CAPSL: variants seen among roughly 807,000 people sequenced by gnomAD.
CAPSL encodes the protein calcyphosine like.
Under a neutral mutation model 21.3 loss-of-function variants are expected in CAPSL, and 17 were observed. The ratio of observed to expected loss-of-function variants is 0.80; its 90% CI spans 0.55 to 1.20. CAPSL has a LOEUF of 1.20. Among genes scored for constraint, CAPSL ranks in the 50% most tolerant of loss-of-function variants. The pLI is 0.00. For missense variants in CAPSL, 289 were observed against 259.3 expected, an observed-to-expected ratio of 1.11 and a Z score of -0.79; for synonymous variants, 102 against 89.3, an observed-to-expected ratio of 1.14 and a Z score of -0.80.
At chr5:35,933,487 A>G (rs1394705366) in intron 1 of CAPSL, among the ~76,000 whole-genome samples, 1 of 152,118 alleles carries the variant, frequency 6.6e-6, no homozygotes, top group Admixed American at 6.5e-5. Context: ...ATTATCCACA[A>G]CATCTCAGAA....
intron 1 of CAPSL, among the ~76,000 whole-genome samples, chr5:35,926,655 A>T (rs935544515): frequency 6.6e-6 from 1 of 152,146 alleles, no homozygotes; most frequent in Non-Finnish European, 1.5e-5. Flanking sequence ...TGGTGGCAGT[A>T]AGCTGAATTA....
At chr5:35,938,645 C>T (rs901692671), upstream of CAPSL, 1 of 153,080 alleles carries the variant, frequency 6.5e-6, no homozygotes, top group African/African-American at 2.4e-5. Flanking sequence ...TAGCCTCCTC[C>T]CTCTTACCTG....
In CAPSL at chr5:35,921,124, A is replaced by G; in HGVS notation, c.1-4T>C. On this transcript the variant is annotated splice_region_variant and splice_polypyrimidine_tract_variant and intron_variant, in intron 1 of 4. Coordinates refer to ENST00000651391, the MANE Select transcript of CAPSL (RefSeq NM_001042625.2). ...CATGGCGCGCTGTCCCTGCCATCTG[A>G]GGGGAAGCCATAGCATGTTAGCAAA... 1 of 1,613,498 alleles carries G rather than the reference A, an allele frequency of 6.2e-7. No homozygotes were observed. The highest frequency in any genetic ancestry group is 1.7e-5 in the Admixed American group (1 of 59,994).
chr5:35,927,436 C>T (rs1738714907), intron 1 of CAPSL, among the ~76,000 whole-genome samples: 1 of 152,248 alleles, frequency 6.6e-6, no homozygotes, highest in Non-Finnish European at 1.5e-5. Flanking sequence ...GCTTTGAAAA[C>T]ATTTTACTAT....
chr5:35,905,533 G>A (rs1760655037), intron 4 of CAPSL, among the ~76,000 whole-genome samples: 1 of 152,126 alleles, frequency 6.6e-6, no homozygotes, highest in African/African-American at 2.4e-5. Flanking sequence ...CATAAGGAAG[G>A]GCAGTAGAAA....
chr5:35,930,756 T>C (rs1042515104), intron 1 of CAPSL, among the ~76,000 whole-genome samples: 3 of 152,222 alleles, frequency 2.0e-5, no homozygotes, highest in Non-Finnish European at 4.4e-5. Flanking sequence ...TTACAGCTAA[T>C]TTTTTAGACA....
At chr5:35,930,628 A>G (rs1738797014) in intron 1 of CAPSL, among the ~76,000 whole-genome samples, 1 of 152,228 alleles carries the variant, frequency 6.6e-6, no homozygotes, top group Non-Finnish European at 1.5e-5. Context: ...TTCTGCATTA[A>G]TGCATGTTTA....
rs937511045 is a variant in CAPSL at position 35,904,454 on chromosome 5, G to A, written c.*91C>T. 5.9e-5 allele frequency: 56 copies of A among 951,618 alleles called. No homozygotes were observed. Among genetic ancestry groups the A allele is most frequent in the Non-Finnish European group, 8.2e-5 (50 of 612,694 alleles). The allele number at this position is 951,618 out of a possible 1,614,324, so 58.9% of individuals were successfully genotyped here. A position where few individuals can be genotyped will look rare whatever the true frequency, so the allele number is the denominator to read the frequency against. On this transcript the variant is annotated 3_prime_UTR_variant, in exon 5 of 5. Transcript: ENST00000651391. Reference sequence around the variant, plus strand: ...CACAGAAAAAAACATTAGGATGAGTGTGAAATCAAATACGATTCTGGTTTT... The same window carrying A: ...CACAGAAAAAAACATTAGGATGAGTATGAAATCAAATACGATTCTGGTTTT...
At chr5:35,917,292 G>T (rs1484285612) in intron 2 of CAPSL, among the ~76,000 whole-genome samples, 2 of 152,204 alleles carry the variant, frequency 1.3e-5, no homozygotes, top group Non-Finnish European at 2.9e-5. Context: ...TTCAACCATT[G>T]TGGAAGTCAG....
intron 1 of CAPSL, among the ~76,000 whole-genome samples, chr5:35,934,387 A>G (rs746571882): frequency 1.1e-4 from 16 of 152,188 alleles, no homozygotes; most frequent in Non-Finnish European, 1.6e-4. Context: ...TCTGAACAGC[A>G]ATCGTCACTG....
chr5:35,925,040 C>A (rs930749276), intron 1 of CAPSL, among the ~76,000 whole-genome samples: 12 of 152,246 alleles, frequency 7.9e-5, no homozygotes, highest in Non-Finnish European at 1.2e-4. Flanking sequence ...CATCCCTGTG[C>A]AAGGCGAAGA....
chr5:35,907,433 A>G (rs1760703525), intron 4 of CAPSL, among the ~76,000 whole-genome samples: 1 of 152,230 alleles, frequency 6.6e-6, no homozygotes, highest in Non-Finnish European at 1.5e-5. Flanking sequence ...ATACACATGA[A>G]GAATTCAAAA....
intron 1 of CAPSL, among the ~76,000 whole-genome samples, chr5:35,927,229 A>G (rs763145256): frequency 2.6e-5 from 4 of 152,184 alleles, no homozygotes; most frequent in Admixed American, 6.5e-5. Context: ...GCCTTGTGAC[A>G]ACAGCAGCCG....
In CAPSL at chr5:35,921,011, C is replaced by T. The variant is rs773467327; in HGVS notation, c.110G>A (p.Gly37Asp). Residue 37 changes from glycine to aspartate, a missense_variant, in exon 2 of 5, where the codon GGC (glycine) becomes GAC (aspartate). Coordinates refer to ENST00000651391, the MANE Select transcript of CAPSL (RefSeq NM_001042625.2). ...GCCAAGTCCTTTGATCCCAGCAGAG[C>T]CCCTGGCCAGGCACTGCAGTCGGAG... Reference protein sequence around the residue: ...ERLRLQCLARGSAGIKGLGRV... With the variant: ...ERLRLQCLARDSAGIKGLGRV... 8 of 1,614,118 alleles carry T rather than the reference C, an allele frequency of 5.0e-6. No individual in the cohort carries two copies. Among genetic ancestry groups the T allele is most frequent in the East Asian group, 4.5e-5 (2 of 44,878 alleles).
chr5:35,910,518 TATC>T lies in CAPSL; in HGVS notation c.160_162del (p.Asp54del), dbSNP rs769146942. 6.2e-7 allele frequency: 1 copy of T among 1,609,214 alleles called. No homozygotes were observed. The highest frequency in any genetic ancestry group is 1.1e-5 in the South Asian group (1 of 90,398). ...TCTTTAAAATCAAGGGTTCGATTATTATCGTCATCCATAATTCTAAACACTCTG... is the reference window on the plus strand; with the variant it reads ...TCTTTAAAATCAAGGGTTCGATTATTGTCATCCATAATTCTAAACACTCTG... On this transcript the variant is annotated inframe_deletion, in exon 3 of 5. Transcript: ENST00000651391.
intron 1 of CAPSL, among the ~76,000 whole-genome samples, chr5:35,925,859 C>T (rs1195089288): frequency 1.3e-5 from 2 of 152,010 alleles, no homozygotes; most frequent in East Asian, 3.9e-4. Flanking sequence ...GGCGGATCAC[C>T]TGAGGTCAGG....
rs770162293 is a variant in CAPSL, at chr5:35,921,086, G to A, written c.35C>T (p.Ala12Val). 1.2e-5 allele frequency: 20 copies of A among 1,613,958 alleles called. No individual in the cohort carries two copies. The highest frequency in any genetic ancestry group is 4.4e-5 in the South Asian group (4 of 91,068). The change falls in exon 2 of 5, where the codon GCG becomes GTG. Residue 12 changes from alanine (A) to valine (V), a missense_variant. Transcript: ENST00000651391. ...GGTGAGCTTTTTCTTGGCCTGGATC[G>A]CCATCTCTCGGTCATGGCGCGCTGT... ...AGTARHDREM[A>V]IQAKKKLTTA...
intron 2 of CAPSL, among the ~76,000 whole-genome samples, chr5:35,917,647 A>T (rs1039528262): frequency 1.3e-5 from 2 of 152,160 alleles, no homozygotes; most frequent in East Asian, 3.8e-4. Flanking sequence ...GTTCGCACTC[A>T]TAGGTGGGAA....
chr5:35,918,897 G>C (rs1366336018), intron 2 of CAPSL, among the ~76,000 whole-genome samples: 1 of 151,920 alleles, frequency 6.6e-6, no homozygotes, highest in Non-Finnish European at 1.5e-5. Context: ...CTACACTTGA[G>C]CAATTGGGAT....
Sources: gnomAD v4.1 joint callset for allele counts (sites outside exome capture counted in the v4.1 genomes callset) on GRCh38, gnomAD v4.1.1 for gene constraint, MANE v1.5 for transcripts, NCBI Gene and HGNC (gene_info 2026-07-23, HGNC 2026-07-21) for gene names.